PKNOX2: variants seen among roughly 807,000 people sequenced by gnomAD.
The protein encoded by PKNOX2 is homeobox protein PKNOX2.
Under a neutral mutation model 53.1 loss-of-function variants are expected in PKNOX2, and 14 were observed. The observed-to-expected ratio is 0.26, with a 90% CI of 0.17 to 0.41. PKNOX2 has a LOEUF of 0.41. Among genes scored for constraint, PKNOX2 ranks in the 10% least tolerant of loss-of-function variants. The pLI, the probability that PKNOX2 is intolerant of heterozygous loss-of-function variation, is 1.00. For missense variants in PKNOX2, 496 were observed against 602.8 expected (o/e 0.82, Z 1.85); for synonymous variants, 257 against 242.8 (o/e 1.06, Z -0.54).
intron 4 of PKNOX2, among the ~76,000 whole-genome samples, chr11:125,362,094 C>T (rs1006036249): frequency 3.3e-5 from 5 of 152,040 alleles, no homozygotes; most frequent in African/African-American, 4.8e-5. Context: ...GCAGTGAGGA[C>T]GGGGTGGACT....
chr11:125,256,234 C>T (rs1944393048), intron 2 of PKNOX2, among the ~76,000 whole-genome samples: 1 of 152,010 alleles, frequency 6.6e-6, no homozygotes, highest in Admixed American at 6.5e-5. Context: ...AGACCCAAGA[C>T]ACAGTTTCCA....
chr11:125,175,165 C>A (rs981534585), intron 1 of PKNOX2, among the ~76,000 whole-genome samples: 1 of 151,508 alleles, frequency 6.6e-6, no homozygotes, highest in Non-Finnish European at 1.5e-5. Flanking sequence ...GACGTCTGGT[C>A]TCCTGGAATA....
At chr11:125,300,098 C>T (rs1234124884) in intron 2 of PKNOX2, among the ~76,000 whole-genome samples, 2 of 152,194 alleles carry the variant, frequency 1.3e-5, no homozygotes, top group East Asian at 1.9e-4. Flanking sequence ...CCTTCGGGGC[C>T]GTGTGAGCGG....
rs565686682 is a variant in PKNOX2, at chr11:125,422,970, C to T, written c.937-6042C>T. Reference sequence around the variant, plus strand: ...ACTTATTTGTTATTTATTTAACAAACACAGAGTACACTAAGCACCGTTCTA... The same window carrying T: ...ACTTATTTGTTATTTATTTAACAAATACAGAGTACACTAAGCACCGTTCTA... On this transcript the variant is annotated intron_variant, in intron 10 of 12. Coordinates refer to ENST00000298282, the MANE Select transcript of PKNOX2 (RefSeq NM_001382323.2). The surrounding 1 kb of genome is among the most constrained non-coding windows in gnomAD (Gnocchi z 4.1). Among the ~76,000 whole-genome samples, 2 of 152,246 alleles carry T rather than the reference C, an allele frequency of 1.3e-5. No homozygotes were observed. Among genetic ancestry groups the T allele is most frequent in the South Asian group, 4.1e-4 (2 of 4,820 alleles).
chr11:125,288,488 G>A (rs1425884006), intron 2 of PKNOX2, among the ~76,000 whole-genome samples: 1 of 152,338 alleles, frequency 6.6e-6, no homozygotes, highest in South Asian at 2.1e-4. Context: ...TGAAGACCCT[G>A]TCTCCAGCTC....
At chr11:125,261,437 C>T (rs1944836164) in intron 2 of PKNOX2, among the ~76,000 whole-genome samples, 1 of 152,150 alleles carries the variant, frequency 6.6e-6, no homozygotes, top group Non-Finnish European at 1.5e-5. Context: ...ATTCAGGGTG[C>T]CCTGCAGCTA....
intron 2 of PKNOX2, among the ~76,000 whole-genome samples, chr11:125,289,925 C>T (rs1947200078): frequency 6.6e-6 from 1 of 152,152 alleles, no homozygotes; most frequent in Non-Finnish European, 1.5e-5. Context: ...GCAGCACCAG[C>T]CCTTGAGGGC....
At chr11:125,212,540 C>T (rs996881727) in intron 1 of PKNOX2, among the ~76,000 whole-genome samples, 3 of 150,538 alleles carry the variant, frequency 2.0e-5, no homozygotes, top group South Asian at 2.1e-4. Flanking sequence ...CTGCAACCTC[C>T]GCCTCCCGGG....
At chr11:125,231,749 G>GAA (rs927999819) in intron 1 of PKNOX2, among the ~76,000 whole-genome samples, 73 of 152,122 alleles carry the variant, frequency 4.8e-4, no homozygotes, top group African/African-American at 1.7e-3. Flanking sequence ...TGGAGAGAGA[G>GAA]AGAAAATGAT....
At chr11:125,414,984 C>T (rs546737932) in intron 10 of PKNOX2, among the ~76,000 whole-genome samples, 1 of 152,258 alleles carries the variant, frequency 6.6e-6, no homozygotes, top group East Asian at 1.9e-4. Context: ...ATTTTACTAT[C>T]ATTTGACCGT....
chr11:125,295,657 C>A (rs1565490185), intron 2 of PKNOX2, among the ~76,000 whole-genome samples: 1 of 152,172 alleles, frequency 6.6e-6, no homozygotes, highest in East Asian at 1.9e-4. Context: ...CAGGTGTGTT[C>A]TTCAGTGAAA....
In PKNOX2 at chr11:125,431,221, C is replaced by T. The variant is rs1268123389; in HGVS notation, c.1248C>T (p.Ala416=). 1.9e-6 allele frequency: 3 copies of T among 1,613,770 alleles called. No individual in the cohort carries two copies. Among genetic ancestry groups the T allele is most frequent in the Non-Finnish European group, 8.5e-7 (1 of 1,179,874 alleles). Residue 416 remains alanine (A), a synonymous_variant, in exon 13 of 13, where the codon GCC becomes GCT. Transcript: ENST00000298282. The stretch of plus-strand genomic sequence containing the variant: ...TGTCCTCAGACAGTGCCACCATGGC[C>T]ATGCAGCAGGCTATGATGGCTGCAC... ...QSLSSDSATM[A]MQQAMMAAHD... is the part of the protein sequence containing the mutation.
At chr11:125,315,312 A>C (rs1389969411) in intron 2 of PKNOX2, among the ~76,000 whole-genome samples, 2 of 143,082 alleles carry the variant, frequency 1.4e-5, no homozygotes, top group Non-Finnish European at 3.0e-5. Flanking sequence ...GGAAAAAAAA[A>C]AAAAAAAAAA....
chr11:125,212,877 T>C (rs1246400477), intron 1 of PKNOX2, among the ~76,000 whole-genome samples: 1 of 151,990 alleles, frequency 6.6e-6, no homozygotes, highest in Non-Finnish European at 1.5e-5. Flanking sequence ...AGAACTCACT[T>C]TGACTTGGCC....
At chr11:125,294,325 G>C (rs1947510371) in intron 2 of PKNOX2, among the ~76,000 whole-genome samples, 1 of 152,180 alleles carries the variant, frequency 6.6e-6, no homozygotes, top group African/African-American at 2.4e-5. Context: ...ATGGAGCTTG[G>C]CGAAAAGGCA....
chr11:125,416,462 G>A (rs1014394880), intron 10 of PKNOX2, among the ~76,000 whole-genome samples: 1 of 151,736 alleles, frequency 6.6e-6, no homozygotes, highest in Non-Finnish European at 1.5e-5. Flanking sequence ...GCAAATTTGG[G>A]CCTCAAGACT....
chr11:125,215,549 C>T (rs1479092321), intron 1 of PKNOX2, among the ~76,000 whole-genome samples: 1 of 151,978 alleles, frequency 6.6e-6, no homozygotes, highest in Non-Finnish European at 1.5e-5. Context: ...GTCAGGAGTT[C>T]AAGACCAGCC....
chr11:125,352,349 C>T lies in PKNOX2; in HGVS notation c.87+957C>T, dbSNP rs878974368. Among the ~76,000 whole-genome samples, 2 of 152,184 alleles carry T rather than the reference C, an allele frequency of 1.3e-5. No homozygotes were observed. Among genetic ancestry groups the T allele is most frequent in the Non-Finnish European group, 2.9e-5 (2 of 68,034 alleles). ...CAGCTAGAATGTCCATCCACAAATTCGCCCATGTGCAGCAGGTGCCCGCTG... is the reference window on the plus strand; with the variant it reads ...CAGCTAGAATGTCCATCCACAAATTTGCCCATGTGCAGCAGGTGCCCGCTG... On this transcript the variant is annotated intron_variant, in intron 4 of 12. Transcript: ENST00000298282. The surrounding 1 kb of genome is among the most constrained non-coding windows in gnomAD (Gnocchi z 4.1).
chr11:125,168,050 C>T (rs1955021142), intron 1 of PKNOX2, among the ~76,000 whole-genome samples: 1 of 152,170 alleles, frequency 6.6e-6, no homozygotes, highest in Admixed American at 6.5e-5. Flanking sequence ...AGGCCTGACC[C>T]CTGTTCAGTT....
Sources: gnomAD v4.1 joint callset for allele counts (sites outside exome capture counted in the v4.1 genomes callset) on GRCh38, gnomAD v4.1.1 for gene constraint, Gnocchi (gnomAD v3.1) non-coding constraint, MANE v1.5 for transcripts, NCBI Gene and HGNC (gene_info 2026-07-23, HGNC 2026-07-21) for gene names.